The following ERAP1 variants were observed in gnomAD, a reference collection of about 807,000 sequenced individuals.
ERAP1 encodes endoplasmic reticulum aminopeptidase 1.
A neutral mutation model predicts 103.7 loss-of-function variants in ERAP1; 86 were observed. That is an observed-to-expected ratio of 0.83 (90% CI 0.70 to 0.99). The LOEUF (loss-of-function observed/expected upper bound fraction) is 0.99. ERAP1 is among the 50% of genes least tolerant of loss of function. The probability of loss-of-function intolerance (pLI) is 0.00; values close to 1 mark genes in which losing one functional copy is unlikely to be tolerated. For missense variants in ERAP1, 1,009 were observed against 1,128.4 expected, an observed-to-expected ratio of 0.89 and a Z score of 1.52; for synonymous variants, 398 against 402.4, an observed-to-expected ratio of 0.99 and a Z score of 0.13.
chr5:96,842,677 A>C, the ERAP1 span, among the ~76,000 whole-genome samples: 1 of 152,036 alleles, frequency 6.6e-6, no homozygotes, highest in Non-Finnish European at 1.5e-5. Flanking sequence ...TCTGGATACC[A>C]GTTCTTTTTC....
chr5:96,776,079 G>T lies in ERAP1; in HGVS notation c.*317C>A. The T allele has an allele frequency of 2.4e-6, 3 of 1,269,840 alleles. No individual in the cohort carries two copies. Among genetic ancestry groups the T allele is most frequent in the Non-Finnish European group, 3.0e-6 (3 of 985,416 alleles). The allele number at this position is 1,269,840 out of a possible 1,614,324, so 78.7% of individuals were successfully genotyped here. ...AACAGTTTATGAATGATAAACATGG[G>T]GTACAGGGTTTTGGACACGGGTGCT... On this transcript the variant is annotated 3_prime_UTR_variant, in exon 19 of 19. Transcript: ENST00000443439.
the ERAP1 span, among the ~76,000 whole-genome samples, chr5:96,888,633 TGGAA>T: frequency 6.6e-6 from 1 of 152,230 alleles, no homozygotes; most frequent in East Asian, 1.9e-4. Flanking sequence ...GCTCTATACT[TGGAA>T]GGCAAGAAAA....
chr5:96,835,762 C>T, the ERAP1 span, among the ~76,000 whole-genome samples: 1 of 152,154 alleles, frequency 6.6e-6, no homozygotes, highest in African/African-American at 2.4e-5. Flanking sequence ...AAGGCCCATC[C>T]TACTTAGTAG....
At chr5:96,825,835 T>C in the ERAP1 span, among the ~76,000 whole-genome samples, 1 of 142,766 alleles carries the variant, frequency 7.0e-6, no homozygotes, top group Admixed American at 7.3e-5. Flanking sequence ...TAAGATGCCA[T>C]CAATTTCAAA....
At chr5:96,909,650 A>G in the ERAP1 span, 2 of 1,614,168 alleles carry the variant, frequency 1.2e-6, no homozygotes, top group Non-Finnish European at 1.7e-6. Flanking sequence ...TCAGTCTGGG[A>G]CAGGATGCTC....
the ERAP1 span, among the ~76,000 whole-genome samples, chr5:96,899,635 T>C: frequency 2.6e-5 from 4 of 152,198 alleles, no homozygotes; most frequent in African/African-American, 9.6e-5. Flanking sequence ...TGTACACTCA[T>C]CACATGCTGT....
the ERAP1 span, among the ~76,000 whole-genome samples, chr5:96,830,166 G>T: frequency 1.3e-3 from 193 of 152,288 alleles, no homozygotes; most frequent in African/African-American, 4.5e-3. Flanking sequence ...CAGCTGTAAG[G>T]ATAAACCTAG....
chr5:96,797,436 A>G (rs907103333), intron 3 of ERAP1, 127 bp from the exon 4 acceptor site: 3 of 1,007,152 alleles, frequency 3.0e-6, no homozygotes, highest in African/African-American at 1.6e-5. Flanking sequence ...AGTCCGAGGT[A>G]GGCAGAATGC....
the ERAP1 span, among the ~76,000 whole-genome samples, chr5:96,905,420 G>C: frequency 1.3e-5 from 2 of 152,104 alleles, no homozygotes; most frequent in Non-Finnish European, 1.5e-5. Flanking sequence ...CTAATTTCTA[G>C]TTGTTCTGAA....
chr5:96,896,267 G>A, the ERAP1 span: 8 of 853,104 alleles, frequency 9.4e-6, no homozygotes, highest in South Asian at 4.1e-5. Flanking sequence ...AAGAAATATC[G>A]ATTGAAATCT....
the ERAP1 span, chr5:96,908,938 C>A: frequency 6.2e-7 from 1 of 1,604,126 alleles, no homozygotes; most frequent in Non-Finnish European, 8.5e-7. Flanking sequence ...GCACAAACCA[C>A]TGACATTTGT....
chr5:96,892,307 G>A, the ERAP1 span: 2 of 1,613,686 alleles, frequency 1.2e-6, no homozygotes, highest in Admixed American at 3.3e-5. Context: ...AGATTTAATT[G>A]CTATTCCTGA....
chr5:96,781,252 T>C, intron 16 of ERAP1, 54 bp from the exon 17 acceptor site: 3 of 1,555,182 alleles, frequency 1.9e-6, no homozygotes, highest in Non-Finnish European at 2.7e-6. Context: ...GAAACAGTTA[T>C]GAATCACTGC....
the ERAP1 span, among the ~76,000 whole-genome samples, chr5:96,898,119 C>T: frequency 5.3e-5 from 8 of 152,206 alleles, no homozygotes; most frequent in South Asian, 1.7e-3. Context: ...TCACTTGAAC[C>T]CAGGAGCTGG....
chr5:96,897,466 C>T, the ERAP1 span, among the ~76,000 whole-genome samples: 4 of 152,130 alleles, frequency 2.6e-5, no homozygotes, highest in Non-Finnish European at 4.4e-5. Flanking sequence ...TAATCTGTTC[C>T]ACATAATAGT....
chr5:96,829,901 G>A, the ERAP1 span, among the ~76,000 whole-genome samples: 2 of 152,306 alleles, frequency 1.3e-5, no homozygotes, highest in East Asian at 3.9e-4. Flanking sequence ...GGTTGAAAGT[G>A]TGGAATTTCT....
At chr5:96,798,948 A>T (rs897314796) in intron 3 of ERAP1, among the ~76,000 whole-genome samples, 4 of 143,236 alleles carry the variant, frequency 2.8e-5, no homozygotes, top group African/African-American at 1.0e-4. Context: ...ACTCACTGCA[A>T]CCTCCACCTC....
At chr5:96,840,798 C>G in the ERAP1 span, among the ~76,000 whole-genome samples, 1 of 151,980 alleles carries the variant, frequency 6.6e-6, no homozygotes, top group South Asian at 2.1e-4. Flanking sequence ...CTCCGCCTCC[C>G]GGGTTCAAGC....
At chr5:96,782,364 G>A (rs1775338636) in intron 15 of ERAP1, among the ~76,000 whole-genome samples, 2 of 152,138 alleles carry the variant, frequency 1.3e-5, no homozygotes, top group Non-Finnish European at 2.9e-5. Context: ...TAGGTTTTAA[G>A]TAGCCTTCTC....
Sources: allele counts gnomAD v4.1 joint callset (sites outside exome capture counted in the v4.1 genomes callset), GRCh38; gene constraint gnomAD v4.1.1; transcripts MANE v1.5; gene names NCBI Gene and HGNC (gene_info 2026-07-23, HGNC 2026-07-21).